BANK1: variants seen among roughly 807,000 people sequenced by gnomAD.
BANK1 encodes B cell scaffold protein with ankyrin repeats 1, also known as B-cell scaffold protein with ankyrin repeats.
A neutral mutation model predicts 94.5 loss-of-function variants in BANK1; 95 were observed. The ratio of observed to expected loss-of-function variants is 1.00; its 90% CI spans 0.85 to 1.19. The LOEUF (loss-of-function observed/expected upper bound fraction) is 1.19, where lower values mean the gene tolerates loss of function less well. BANK1 is among the 50% of genes most tolerant of loss of function. The pLI is 0.00. For missense variants in BANK1, 987 were observed against 932.2 expected (o/e 1.06, Z -0.77); for synonymous variants, 334 against 308.4 (o/e 1.08, Z -0.87).
chr4:101,813,965 C>A, intron 1 of BANK1: 1 of 812,022 alleles, frequency 1.2e-6, no homozygotes, highest in Non-Finnish European at 1.5e-6. Flanking sequence ...TAGTATATAG[C>A]TATTTCTAAG....
chr4:101,916,023 TTG>T (rs894271292), intron 6 of BANK1, among the ~76,000 whole-genome samples: 1 of 152,086 alleles, frequency 6.6e-6, no homozygotes, highest in Non-Finnish European at 1.5e-5. Flanking sequence ...ATGAAAATTG[TTG>T]TTTCTTCAAC....
chr4:102,014,857 C>T (rs904808162), intron 7 of BANK1, among the ~76,000 whole-genome samples: 3 of 152,092 alleles, frequency 2.0e-5, no homozygotes. Context: ...ACCAGAAATT[C>T]ACTCTTAATA....
rs145161554 is a variant in BANK1, at chr4:102,030,073, G to T, written c.1708G>T (p.Glu570Ter). ...AAAAGAGAAGAAAGAAGAGGAAAAA[G>T]AGCAGGAGGAGGAAGAAGACCCATA... ...GEKEKKEEEK[E>*]QEEEEDPYTF... is the part of the protein sequence containing the mutation. Residue 570 changes from glutamate to a stop codon, truncating the protein, a stop_gained, in exon 10 of 17, where the codon GAG (glutamate) becomes TAG (stop). Transcript: ENST00000322953. LOFTEE classifies it high-confidence loss of function. 1.5e-5 allele frequency: 24 copies of T among 1,613,930 alleles called. No individual in the cohort carries two copies. The highest frequency in any genetic ancestry group is 2.0e-5 in the Non-Finnish European group (24 of 1,179,924).
At chr4:101,808,270 A>G (rs1176825969) in intron 1 of BANK1, among the ~76,000 whole-genome samples, 1 of 152,100 alleles carries the variant, frequency 6.6e-6, no homozygotes, top group Non-Finnish European at 1.5e-5. Flanking sequence ...TGTTTTTTAG[A>G]TAAATAAGGT....
At chr4:102,007,756 A>G (rs1726353862) in intron 7 of BANK1, among the ~76,000 whole-genome samples, 1 of 152,158 alleles carries the variant, frequency 6.6e-6, no homozygotes, top group Admixed American at 6.5e-5. Flanking sequence ...TCTATTGATC[A>G]GGAATATTCA....
At chr4:101,972,960 T>C (rs1433596932) in intron 7 of BANK1, among the ~76,000 whole-genome samples, 1 of 151,918 alleles carries the variant, frequency 6.6e-6, no homozygotes, top group African/African-American at 2.4e-5. Context: ...GAGAGTAGAA[T>C]AGTGGTTATG....
chr4:101,897,392 C>A (rs909737890), intron 6 of BANK1, among the ~76,000 whole-genome samples: 21 of 151,878 alleles, frequency 1.4e-4, no homozygotes, highest in African/African-American at 4.8e-4. Flanking sequence ...AAGATTAAAA[C>A]TGCCTCTCGG....
intron 7 of BANK1, among the ~76,000 whole-genome samples, chr4:101,946,994 C>A (rs182312699): frequency 7.4e-4 from 112 of 151,726 alleles, no homozygotes; most frequent in African/African-American, 2.6e-3. Context: ...GCATTTTTTT[C>A]TCCAATTACA....
At chr4:101,937,518 T>G (rs1004918867) in intron 7 of BANK1, among the ~76,000 whole-genome samples, 3 of 151,938 alleles carry the variant, frequency 2.0e-5, no homozygotes, top group African/African-American at 7.2e-5. Context: ...ATTAGAGAAA[T>G]GCAAGTCAAA....
chr4:101,894,480 A>C (rs1468486400), intron 5 of BANK1, among the ~76,000 whole-genome samples: 4 of 151,958 alleles, frequency 2.6e-5, no homozygotes, highest in Non-Finnish European at 5.9e-5. Context: ...TTTTCAGTAC[A>C]GTTATTTAAT....
At chr4:102,041,733 C>T (rs1242631842) in intron 10 of BANK1, among the ~76,000 whole-genome samples, 1 of 151,920 alleles carries the variant, frequency 6.6e-6, no homozygotes, top group East Asian at 1.9e-4. Flanking sequence ...TGCCCTTGTC[C>T]CCAGCTGTTC....
rs1203874582 is a variant in BANK1, at chr4:101,790,751, C to T, written c.-130C>T. Reference sequence around the variant, plus strand: ...TCCTGAGACCTGGCCGCAGCCTCCGCGGGTGGCAAGCGGGCTGGGGAGAGC... The same window carrying T: ...TCCTGAGACCTGGCCGCAGCCTCCGTGGGTGGCAAGCGGGCTGGGGAGAGC... On this transcript the variant is annotated 5_prime_UTR_variant, in exon 1 of 17. Transcript: ENST00000322953. 19 of 1,010,180 alleles carry T rather than the reference C, an allele frequency of 1.9e-5. No individual in the cohort carries two copies. Among genetic ancestry groups the T allele is most frequent in the Non-Finnish European group, 2.7e-5 (18 of 677,124 alleles). 62.6% of individuals were successfully genotyped at this position (1,010,180 alleles called of 1,614,324 possible). A position where few individuals can be genotyped will look rare whatever the true frequency, so the allele number is the denominator to read the frequency against.
intron 7 of BANK1, among the ~76,000 whole-genome samples, chr4:101,971,325 T>C (rs1724944861): frequency 2.0e-5 from 3 of 152,256 alleles, no homozygotes; most frequent in South Asian, 4.1e-4. Context: ...AGTGAGAATC[T>C]ATTTGGTGGA....
intron 6 of BANK1, among the ~76,000 whole-genome samples, chr4:101,901,764 TTTTTG>T (rs1400161166): frequency 1.7e-4 from 1 of 6,058 alleles, no homozygotes; most frequent in African/African-American, 3.6e-4. Flanking sequence ...TGTTTTTTTG[TTTTTG>T]TTTTTTTTTG....
chr4:101,915,520 A>C (rs1254405540), intron 6 of BANK1, among the ~76,000 whole-genome samples: 1 of 152,174 alleles, frequency 6.6e-6, no homozygotes, highest in Non-Finnish European at 1.5e-5. Context: ...AGTATCTTGT[A>C]TGAAGTTTCT....
intron 7 of BANK1, among the ~76,000 whole-genome samples, chr4:101,927,317 C>G (rs1723194208): frequency 6.6e-6 from 1 of 151,624 alleles, no homozygotes; most frequent in Admixed American, 6.6e-5. Context: ...GCCTCATGAT[C>G]TGATCACCTC....
intron 7 of BANK1, among the ~76,000 whole-genome samples, chr4:101,971,193 T>C (rs2148923075): frequency 6.6e-6 from 1 of 152,250 alleles, no homozygotes; most frequent in East Asian, 1.9e-4. Flanking sequence ...GACAATTAAA[T>C]ATATTAGGGT....
intron 7 of BANK1, among the ~76,000 whole-genome samples, chr4:102,010,463 G>A (rs764780464): frequency 6.6e-6 from 1 of 150,414 alleles, no homozygotes; most frequent in Non-Finnish European, 1.5e-5. Context: ...CGCCATCTGG[G>A]CTCACTGCAG....
chr4:101,855,234 G>A, intron 3 of BANK1, 45 bp downstream of exon 3: 5 of 1,513,926 alleles, frequency 3.3e-6, no homozygotes, highest in Non-Finnish European at 4.5e-6. Flanking sequence ...ATTGTGTTAT[G>A]GTGGTGGTGG....
Sources: gnomAD v4.1 joint callset for allele counts (sites outside exome capture counted in the v4.1 genomes callset) on GRCh38, gnomAD v4.1.1 for gene constraint, MANE v1.5 for transcripts, NCBI Gene and HGNC (gene_info 2026-07-23, HGNC 2026-07-21) for gene names.